The following LRP2 variants were observed in gnomAD, a reference collection of about 807,000 sequenced individuals.
The protein encoded by LRP2 is low-density lipoprotein receptor-related protein 2.
In LRP2, 172 loss-of-function variants were observed where a neutral mutation model predicts 531.0. The observed-to-expected ratio is 0.32, with a 90% CI of 0.29 to 0.37. The LOEUF (loss-of-function observed/expected upper bound fraction) is 0.37. LRP2 is among the 10% of genes least tolerant of loss of function. The pLI, the probability that LRP2 is intolerant of heterozygous loss-of-function variation, is 1.00. For synonymous variants in LRP2, 1,992 were observed against 2,027.6 expected, an observed-to-expected ratio of 0.98 and a Z score of 0.47; for missense variants, 5,167 against 5,868.3, an observed-to-expected ratio of 0.88 and a Z score of 3.90.
chr2:169,235,243 A>AT (rs34253860), intron 29 of LRP2, among the ~76,000 whole-genome samples: 41 of 145,998 alleles, frequency 2.8e-4, no homozygotes, highest in East Asian at 8.2e-4. Flanking sequence ...CTTGAAAAAA[A>AT]TTTTTTTTTT....
At chr2:169,221,954 A>G (rs1218352840) in intron 33 of LRP2, among the ~76,000 whole-genome samples, 1 of 152,098 alleles carries the variant, frequency 6.6e-6, no homozygotes, top group Admixed American at 6.5e-5. Flanking sequence ...ATTCAGCTAT[A>G]AAATTTCTTT....
intron 3 of LRP2, among the ~76,000 whole-genome samples, chr2:169,317,495 GC>G (rs1408716807): frequency 1.3e-5 from 2 of 152,124 alleles, no homozygotes; most frequent in Non-Finnish European, 2.9e-5. Flanking sequence ...ATATGGCAGA[GC>G]AAAAAAGTGA....
intron 1 of LRP2, among the ~76,000 whole-genome samples, chr2:169,352,162 G>A (rs1685867912): frequency 1.3e-5 from 2 of 152,178 alleles, no homozygotes; most frequent in East Asian, 3.9e-4. Flanking sequence ...TAGAAGACCT[G>A]CAACAGTTAT....
At chr2:169,279,305 T>A in intron 12 of LRP2, 67 bp downstream of exon 12, 1 of 1,127,092 alleles carries the variant, frequency 8.9e-7, no homozygotes, top group Non-Finnish European at 1.4e-6. Context: ...CCAGTAGATG[T>A]TCAGTGTATA....
At chr2:169,309,998 A>C (rs201707226) in intron 3 of LRP2, among the ~76,000 whole-genome samples, 1 of 151,768 alleles carries the variant, frequency 6.6e-6, no homozygotes, top group Non-Finnish European at 1.5e-5. Context: ...GTGAATGGGA[A>C]TTCACTCATG....
chr2:169,256,947 T>C (rs1359691940), intron 18 of LRP2, among the ~76,000 whole-genome samples, 177 bp downstream of exon 18: 2 of 152,132 alleles, frequency 1.3e-5, no homozygotes, highest in African/African-American at 2.4e-5. Context: ...TGGCCAACTA[T>C]GTTTATGTCC....
chr2:169,320,913 CT>C, intron 1 of LRP2, 29 bp from the exon 2 acceptor site: 1 of 1,463,410 alleles, frequency 6.8e-7, no homozygotes. Context: ...ATTTTAAAAA[CT>C]TATGCCATGC....
intron 51 of LRP2, 78 bp from the exon 52 acceptor site, chr2:169,181,696 TAGAG>T: frequency 1.5e-6 from 2 of 1,307,050 alleles, no homozygotes; most frequent in Non-Finnish European, 2.2e-6. Context: ...TTTCTCCATT[TAGAG>T]AAATGGAGTC....
chr2:169,139,994 C>T (rs562200458), intron 72 of LRP2, among the ~76,000 whole-genome samples: 6 of 152,320 alleles, frequency 3.9e-5, no homozygotes, highest in East Asian at 1.9e-4. Flanking sequence ...TTAGAGTTTT[C>T]GCAACACAGT....
Position 169,262,161 on chromosome 2 carries a change from A to C in LRP2, c.2321-2944T>G, listed in dbSNP as rs547788711. ...TCATACTGAATGGGCAAAAACTGGA[A>C]GCATTCCCTTTGAAAACTGGCACAA... On this transcript the variant is annotated intron_variant, in intron 16 of 78. Transcript: ENST00000649046. 7.9e-4 allele frequency among the ~76,000 whole-genome samples: 118 copies of C among 149,392 alleles called. 1 individual carries two copies. In the South Asian group the frequency reaches 0.02, roughly 26 times the overall value.
chr2:169,326,248 G>C (rs1685055089), intron 1 of LRP2, among the ~76,000 whole-genome samples: 1 of 130,088 alleles, frequency 7.7e-6, no homozygotes, highest in African/African-American at 2.9e-5. Context: ...TCTTTCCACG[G>C]TCTCCCTCTG....
At position 169,280,355 on chromosome 2, in the gene LRP2, T is replaced by C. The variant is rs1361760260; in HGVS notation, c.1336A>G (p.Asn446Asp). The stretch of plus-strand genomic sequence containing the variant: ...CTACTGAAATTTCTATTTACCTTAT[T>C]TTGCACGGTGTCTGTCCAAAAAACT... ...QRVFWTDTVQ[N>D]KVFSVDINGL... Residue 446 changes from asparagine (N) to aspartate (D), a missense_variant, in exon 11 of 79, where the codon AAT (asparagine) becomes GAT (aspartate). By Grantham distance (23) the Asn-to-Asp change is conservative. Around this residue, in one of 6 missense-constraint regions of LRP2, gnomAD observed 2,811 missense variants for 3,058.0 expected, o/e 0.92. Coordinates refer to ENST00000649046, the MANE Select transcript of LRP2 (RefSeq NM_004525.3). The C allele has an allele frequency of 6.2e-7, 1 of 1,614,188 alleles. No individual in the cohort carries two copies. The highest frequency in any genetic ancestry group is 1.7e-5 in the Admixed American group (1 of 60,018).
At chr2:169,316,616 GA>G (rs1266153467) in intron 3 of LRP2, among the ~76,000 whole-genome samples, 1 of 152,136 alleles carries the variant, frequency 6.6e-6, no homozygotes, top group Non-Finnish European at 1.5e-5. Context: ...GGGACACCTT[GA>G]GTTCAAGGCA....
chr2:169,137,286 C>T, intron 76 of LRP2, 106 bp downstream of exon 76: 2 of 866,878 alleles, frequency 2.3e-6, no homozygotes, highest in Non-Finnish European at 4.0e-6. Flanking sequence ...ACTCACTATG[C>T]TTCCTTCCCT....
chr2:169,311,666 T>A (rs1684601776), intron 3 of LRP2, among the ~76,000 whole-genome samples: 1 of 152,154 alleles, frequency 6.6e-6, no homozygotes, highest in South Asian at 2.1e-4. Flanking sequence ...CTGAGAGGAA[T>A]GTATATTCTG....
chr2:169,141,501 A>T (rs1024522428), intron 71 of LRP2, among the ~76,000 whole-genome samples: 1 of 152,214 alleles, frequency 6.6e-6, no homozygotes, highest in African/African-American at 2.4e-5. Context: ...CACTCAAGAA[A>T]TCTCACTGGA....
At chr2:169,182,128 G>A (rs866116996) in intron 51 of LRP2, 39 bp downstream of exon 51, 1 of 1,612,786 alleles carries the variant, frequency 6.2e-7, no homozygotes, top group Non-Finnish European at 8.5e-7. Context: ...GCAGAAGAAG[G>A]AGGTGAAAGA....
At chr2:169,347,422 T>A (rs1457469345) in intron 1 of LRP2, among the ~76,000 whole-genome samples, 1 of 152,220 alleles carries the variant, frequency 6.6e-6, no homozygotes. Context: ...TTCATTTTTT[T>A]CTTCAGTGAC....
At chr2:169,182,098 C>T in intron 51 of LRP2, 69 bp downstream of exon 51, 1 of 1,594,358 alleles carries the variant, frequency 6.3e-7, no homozygotes, top group Non-Finnish European at 8.6e-7. Context: ...GTTACATGAA[C>T]AGCCTTCTCG....
Sources: gnomAD v4.1 joint callset for allele counts (sites outside exome capture counted in the v4.1 genomes callset) on GRCh38, gnomAD v4.1.1 for gene constraint, gnomAD v4.1.1 regional missense constraint, MANE v1.5 for transcripts, NCBI Gene and HGNC (gene_info 2026-07-23, HGNC 2026-07-21) for gene names.